NTRK3: variants seen among roughly 807,000 people sequenced by gnomAD.
NTRK3 encodes neurotrophic receptor tyrosine kinase 3, also known as NT-3 growth factor receptor.
In NTRK3, 24 loss-of-function variants were observed where a neutral mutation model predicts 91.7. That is an observed-to-expected ratio of 0.26 (90% CI 0.19 to 0.37). The LOEUF (loss-of-function observed/expected upper bound fraction) is 0.37. Ranked by LOEUF, NTRK3 falls within the 10% of genes least tolerant of loss-of-function variation. The pLI is 1.00. For missense variants in NTRK3, 880 were observed against 1,068.9 expected, an observed-to-expected ratio of 0.82 and a Z score of 2.46; for synonymous variants, 483 against 404.0, an observed-to-expected ratio of 1.20 and a Z score of -2.34.
intron 17 of NTRK3, among the ~76,000 whole-genome samples, chr15:87,916,032 G>A (rs996412725): frequency 1.3e-5 from 2 of 152,232 alleles, no homozygotes; most frequent in East Asian, 1.9e-4. Flanking sequence ...AAAAACAACC[G>A]AGAGTAAAAA....
chr15:88,072,251 G>A (rs1016670037), intron 13 of NTRK3, among the ~76,000 whole-genome samples: 4 of 152,034 alleles, frequency 2.6e-5, no homozygotes, highest in South Asian at 2.1e-4. Flanking sequence ...TGATCCGACT[G>A]CCTCAGCCTC....
At chr15:87,937,342 G>T (rs1317100769) in intron 15 of NTRK3, among the ~76,000 whole-genome samples, 1 of 152,180 alleles carries the variant, frequency 6.6e-6, no homozygotes, top group Non-Finnish European at 1.5e-5. Context: ...TTTTATGGAA[G>T]CTAGGATGAA....
intron 13 of NTRK3, among the ~76,000 whole-genome samples, chr15:88,034,331 C>T (rs1022220918): frequency 6.6e-6 from 1 of 152,218 alleles, no homozygotes; most frequent in African/African-American, 2.4e-5. Flanking sequence ...GTTCCACTCC[C>T]ACTTCTTTCT....
At chr15:88,145,501 C>G (rs1304729184) in intron 6 of NTRK3, among the ~76,000 whole-genome samples, 1 of 152,052 alleles carries the variant, frequency 6.6e-6, no homozygotes, top group Middle Eastern at 3.2e-3. Flanking sequence ...TGTATTGATC[C>G]CAGGCAAAGA....
intron 5 of NTRK3, among the ~76,000 whole-genome samples, chr15:88,164,998 T>C (rs576340632): frequency 2.0e-5 from 3 of 152,296 alleles, no homozygotes; most frequent in Admixed American, 2.0e-4. Flanking sequence ...TTACCTCATA[T>C]TGAGTATATG....
chr15:88,010,455 G>C (rs1260124658), intron 14 of NTRK3, among the ~76,000 whole-genome samples: 1 of 152,058 alleles, frequency 6.6e-6, no homozygotes, highest in Non-Finnish European at 1.5e-5. Context: ...AACAATTTAT[G>C]TAAAATAAAC....
intron 5 of NTRK3, among the ~76,000 whole-genome samples, chr15:88,182,564 C>T (rs936270608): frequency 6.6e-6 from 1 of 152,214 alleles, no homozygotes; most frequent in Non-Finnish European, 1.5e-5. Context: ...CCACCTGGTT[C>T]CTGCAGAGCC....
At chr15:88,242,307 C>T (rs970138286) in intron 3 of NTRK3, among the ~76,000 whole-genome samples, 1 of 152,158 alleles carries the variant, frequency 6.6e-6, no homozygotes, top group African/African-American at 2.4e-5. Flanking sequence ...AATCAACTTC[C>T]CAGCCAGGGG....
intron 15 of NTRK3, among the ~76,000 whole-genome samples, chr15:87,939,022 G>A (rs8038750): frequency 0.27 from 41,251 of 151,982 alleles, 5,813 homozygotes; most frequent in Non-Finnish European, 0.31. Context: ...GAAAATACCC[G>A]CCCTCATTAG....
chr15:87,999,785 C>T (rs1213874193), intron 14 of NTRK3, among the ~76,000 whole-genome samples: 1 of 152,108 alleles, frequency 6.6e-6, no homozygotes, highest in East Asian at 1.9e-4. Flanking sequence ...TAGAGGCTTA[C>T]TAAAGAATAC....
At chr15:88,082,200 C>T (rs1597195744) in intron 13 of NTRK3, among the ~76,000 whole-genome samples, 1 of 151,704 alleles carries the variant, frequency 6.6e-6, no homozygotes, top group East Asian at 1.9e-4. Context: ...ATGGAGTGAA[C>T]CCGGGAGGTG....
At chr15:88,038,830 G>C (rs928868839) in intron 13 of NTRK3, among the ~76,000 whole-genome samples, 5 of 151,650 alleles carry the variant, frequency 3.3e-5, no homozygotes, top group African/African-American at 1.2e-4. Context: ...ACCACTGAGA[G>C]AGACACCAAC....
chr15:88,179,214 C>T (rs2046254466), intron 5 of NTRK3, among the ~76,000 whole-genome samples: 2 of 152,140 alleles, frequency 1.3e-5, no homozygotes, highest in South Asian at 2.1e-4. Flanking sequence ...TTTCTGATAC[C>T]AGCAGTTTTA....
intron 17 of NTRK3, among the ~76,000 whole-genome samples, chr15:87,887,153 T>G (rs2141533537): frequency 6.6e-6 from 1 of 152,254 alleles, no homozygotes; most frequent in East Asian, 1.9e-4. Context: ...TAAACTGTAA[T>G]GCACTTAAGT....
chr15:88,195,328 G>A (rs1024187823), intron 3 of NTRK3, among the ~76,000 whole-genome samples: 1 of 152,200 alleles, frequency 6.6e-6, no homozygotes, highest in African/African-American at 2.4e-5. Flanking sequence ...CAGGCTCCCT[G>A]AAGGCAGGCA....
intron 14 of NTRK3, chr15:87,978,464 C>A: frequency 4.4e-6 from 1 of 228,674 alleles, no homozygotes. Context: ...GAGCCAATCC[C>A]GGGATCATGG....
chr15:88,089,003 G>C (rs1053319577), intron 13 of NTRK3, among the ~76,000 whole-genome samples: 5 of 152,160 alleles, frequency 3.3e-5, no homozygotes, highest in Admixed American at 1.3e-4. Flanking sequence ...CTGACACAGA[G>C]CTGATTAAAG....
At chr15:87,934,484 C>T (rs1346575247) in intron 15 of NTRK3, among the ~76,000 whole-genome samples, 1 of 152,160 alleles carries the variant, frequency 6.6e-6, no homozygotes, top group Non-Finnish European at 1.5e-5. Context: ...ATGTCTCCCT[C>T]ACCAGAGATC....
intron 17 of NTRK3, among the ~76,000 whole-genome samples, chr15:87,881,514 G>T (rs1051815979): frequency 6.6e-6 from 1 of 151,906 alleles, no homozygotes; most frequent in African/African-American, 2.4e-5. Flanking sequence ...CCACCTCCCG[G>T]GTTCACGCCA....
Sources: allele counts gnomAD v4.1 joint callset (sites outside exome capture counted in the v4.1 genomes callset), GRCh38; gene constraint gnomAD v4.1.1; transcripts MANE v1.5; gene names NCBI Gene and HGNC (gene_info 2026-07-23, HGNC 2026-07-21).